The following BAZ2B variants were observed in gnomAD, a reference collection of about 807,000 sequenced individuals.
BAZ2B encodes the protein bromodomain adjacent to zinc finger domain protein 2B.
In BAZ2B, 91 loss-of-function variants were observed where a neutral mutation model predicts 246.0. The ratio of observed to expected loss-of-function variants is 0.37; its 90% CI spans 0.31 to 0.44. BAZ2B has a LOEUF of 0.44. BAZ2B is among the 20% of genes least tolerant of loss of function. The probability of loss-of-function intolerance (pLI) is 1.00; values close to 1 mark genes in which losing one functional copy is unlikely to be tolerated. For synonymous variants in BAZ2B, 855 were observed against 860.0 expected, an observed-to-expected ratio of 0.99 and a Z score of 0.10; for missense variants, 2,332 against 2,533.7, an observed-to-expected ratio of 0.92 and a Z score of 1.71.
At chr2:159,546,354 C>T (rs2087347883) in intron 2 of BAZ2B, among the ~76,000 whole-genome samples, 2 of 151,606 alleles carry the variant, frequency 1.3e-5, no homozygotes, top group Admixed American at 6.6e-5. Flanking sequence ...TGCCACCATC[C>T]ATGTGAGACG....
chr2:159,392,852 T>A (rs1312274096), intron 20 of BAZ2B, among the ~76,000 whole-genome samples: 1 of 152,208 alleles, frequency 6.6e-6, no homozygotes, highest in Non-Finnish European at 1.5e-5. Context: ...TCTTCTTCAC[T>A]TTTAATATTT....
chr2:159,326,629 C>G (rs778696155), intron 34 of BAZ2B, among the ~76,000 whole-genome samples: 2 of 151,678 alleles, frequency 1.3e-5, no homozygotes, highest in Non-Finnish European at 2.9e-5. Context: ...CTGCTACTAA[C>G]TTTAAGCAAA....
intron 2 of BAZ2B, among the ~76,000 whole-genome samples, chr2:159,525,949 T>C (rs2151290400): frequency 6.6e-6 from 1 of 152,212 alleles, no homozygotes; most frequent in East Asian, 1.9e-4. Context: ...GAGGATGAAT[T>C]GAAGCAGGAA....
intron 2 of BAZ2B, among the ~76,000 whole-genome samples, chr2:159,549,339 T>G (rs1175460775): frequency 6.6e-6 from 1 of 152,166 alleles, no homozygotes; most frequent in South Asian, 2.1e-4. Context: ...TCTGAACATA[T>G]GTTCTTTCAA....
chr2:159,378,975 T>A (rs2061697177), intron 25 of BAZ2B, among the ~76,000 whole-genome samples: 1 of 152,132 alleles, frequency 6.6e-6, no homozygotes, highest in African/African-American at 2.4e-5. Flanking sequence ...AACTATCTGA[T>A]CCTGCAATCC....
At chr2:159,518,870 T>C (rs1372416699) in intron 2 of BAZ2B, among the ~76,000 whole-genome samples, 1 of 152,214 alleles carries the variant, frequency 6.6e-6, no homozygotes, top group East Asian at 1.9e-4. Context: ...AAAATTCTCA[T>C]TCTCTGTAAG....
At chr2:159,360,830 G>A (rs2059612220) in intron 27 of BAZ2B, among the ~76,000 whole-genome samples, 1 of 152,188 alleles carries the variant, frequency 6.6e-6, no homozygotes, top group Admixed American at 6.5e-5. Context: ...TGACAAACCT[G>A]AGAAAAACAA....
At position 159,446,179 on chromosome 2, in the gene BAZ2B, TTC is replaced by T. The variant is rs2074221368; in HGVS notation, c.696+601_696+602del. 3.3e-5 allele frequency among the ~76,000 whole-genome samples: 5 copies of T among 152,276 alleles called. No individual in the cohort carries two copies. In the South Asian group the frequency reaches 1.0e-3, roughly 32 times the overall value. ...GAAGTAACATCTTCTTCCAGTGTTC[TTC>T]CAGGACCTTCTACTAACAAGGACTA... On this transcript the variant is annotated intron_variant, in intron 6 of 36. Coordinates refer to ENST00000392783, the MANE Select transcript of BAZ2B (RefSeq NM_013450.4).
intron 33 of BAZ2B, among the ~76,000 whole-genome samples, chr2:159,333,874 C>T (rs1339942866): frequency 5.3e-5 from 8 of 152,046 alleles, no homozygotes; most frequent in Non-Finnish European, 1.2e-4. Context: ...CTATATATTT[C>T]ATATTAACAT....
At chr2:159,389,093 A>ACAACCAAC (rs113993624) in intron 21 of BAZ2B, among the ~76,000 whole-genome samples, 2,859 of 148,958 alleles carry the variant, frequency 0.019, 55 homozygotes, top group African/African-American at 0.049. Flanking sequence ...CTGTCTGAAA[A>ACAACCAAC]CAACCAACCA....
At chr2:159,476,966 G>T (rs1480927520) in intron 3 of BAZ2B, among the ~76,000 whole-genome samples, 1 of 152,152 alleles carries the variant, frequency 6.6e-6, no homozygotes, top group East Asian at 1.9e-4. Context: ...TTAATTACTT[G>T]ATGAAGACTG....
chr2:159,582,648 G>A (rs1281688605), intron 1 of BAZ2B, among the ~76,000 whole-genome samples: 1 of 152,236 alleles, frequency 6.6e-6, no homozygotes, highest in African/African-American at 2.4e-5. Flanking sequence ...GCCTCCCAAA[G>A]TGCTGGGATT....
chr2:159,571,628 T>C (rs986155046), intron 1 of BAZ2B, among the ~76,000 whole-genome samples: 10 of 152,098 alleles, frequency 6.6e-5, no homozygotes, highest in Non-Finnish European at 1.3e-4. Context: ...TAATGGCCAA[T>C]TGTCTTAGTC....
At chr2:159,504,529 C>A (rs2151133374) in intron 2 of BAZ2B, among the ~76,000 whole-genome samples, 2 of 152,222 alleles carry the variant, frequency 1.3e-5, no homozygotes, top group Non-Finnish European at 2.9e-5. Context: ...AACTTGCCAA[C>A]CAAGAAATCT....
At chr2:159,626,893 A>G in the BAZ2B span, among the ~76,000 whole-genome samples, 1 of 152,148 alleles carries the variant, frequency 6.6e-6, no homozygotes, top group Non-Finnish European at 1.5e-5. Flanking sequence ...GTTTTTTGAA[A>G]AGATCAACAA....
intron 36 of BAZ2B, 151 bp downstream of exon 36, chr2:159,324,659 CA>C: frequency 3.0e-6 from 1 of 335,816 alleles, no homozygotes; most frequent in Admixed American, 5.2e-5. Context: ...CACACACACA[CA>C]CACACACACA....
chr2:159,633,202 TAA>T, the BAZ2B span, among the ~76,000 whole-genome samples: 3 of 151,634 alleles, frequency 2.0e-5, no homozygotes, highest in African/African-American at 2.4e-5. Flanking sequence ...AGTCTATTTT[TAA>T]AAGAGTTACC....
At chr2:159,678,437 C>T in the BAZ2B span, among the ~76,000 whole-genome samples, 1 of 152,186 alleles carries the variant, frequency 6.6e-6, no homozygotes, top group Admixed American at 6.5e-5. Context: ...GTTTCTTAGA[C>T]ATTTTATTCT....
At chr2:159,453,013 C>T (rs113599255) in intron 4 of BAZ2B, among the ~76,000 whole-genome samples, 4,576 of 152,182 alleles carry the variant, frequency 0.03, 214 homozygotes, top group African/African-American at 0.1. Context: ...GACAGGAGAA[C>T]TGCTTGAACC....
Sources: gnomAD v4.1 joint callset for allele counts (sites outside exome capture counted in the v4.1 genomes callset) on GRCh38, gnomAD v4.1.1 for gene constraint, MANE v1.5 for transcripts, NCBI Gene and HGNC (gene_info 2026-07-23, HGNC 2026-07-21) for gene names.